Variants in VIT observed in about 807,000 individuals in gnomAD.
VIT encodes the protein vitrin.
In VIT, 99 loss-of-function variants were observed where a neutral mutation model predicts 78.0. The observed-to-expected ratio is 1.27, with a 90% confidence interval of 1.08 to 1.50. The LOEUF is 1.50. Among genes scored for constraint, VIT ranks in the 40% most tolerant of loss-of-function variants. The pLI is 0.00. For synonymous variants in VIT, 374 were observed against 334.3 expected (o/e 1.12, Z -1.29); for missense variants, 1,126 against 875.3 (o/e 1.29, Z -3.61).
chr2:36,749,779 T>C (rs1166042766), intron 4 of VIT, among the ~76,000 whole-genome samples: 1 of 152,224 alleles, frequency 6.6e-6, no homozygotes, highest in Non-Finnish European at 1.5e-5. Flanking sequence ...TTATTCAGAT[T>C]TCTGGTATCT....
At chr2:36,780,135 T>C (rs952136728) in intron 9 of VIT, among the ~76,000 whole-genome samples, 2 of 152,244 alleles carry the variant, frequency 1.3e-5, no homozygotes, top group African/African-American at 4.8e-5. Flanking sequence ...CCTTTGGCTT[T>C]TGGATGAATG....
chr2:36,754,905 T>A lies in VIT; in HGVS notation c.276-16T>A. On this transcript the variant is annotated splice_polypyrimidine_tract_variant and intron_variant, in intron 4 of 15. Transcript: ENST00000379242. ...ATTTCTGTTCTTTCCTGAAAAATTA[T>A]TTTTTCTCTTCATAGTGGTGTGCTT... is the stretch of plus-strand genomic sequence containing the variant. 1 of 1,600,874 alleles carries A rather than the reference T, an allele frequency of 6.2e-7. No individual in the cohort carries two copies. The highest frequency in any genetic ancestry group is 1.1e-5 in the South Asian group (1 of 88,204).
rs149665991 is a variant in VIT at position 36,743,269 on chromosome 2, G to T, written c.275+13G>T. The T allele has an allele frequency of 6.3e-7, 1 of 1,589,600 alleles. No homozygotes were observed. The highest frequency in any genetic ancestry group is 8.6e-7 in the Non-Finnish European group (1 of 1,162,448). On this transcript the variant is annotated intron_variant, in intron 4 of 15. Transcript: ENST00000379242. Reference sequence around the variant, plus strand: ...CTGCCGTACACAGGTGAGTGGTTCTGAGCTACTTAATAACTAACTAGAAAT... The same window carrying T: ...CTGCCGTACACAGGTGAGTGGTTCTTAGCTACTTAATAACTAACTAGAAAT...
chr2:36,704,046 C>G (rs1329567577), intron 1 of VIT, among the ~76,000 whole-genome samples: 3 of 151,780 alleles, frequency 2.0e-5, no homozygotes, highest in Non-Finnish European at 2.9e-5. Context: ...CTGCCTCAGC[C>G]TCAGGAGTAG....
intron 12 of VIT, 61 bp from the exon 13 acceptor site, chr2:36,801,240 T>C: frequency 7.0e-7 from 1 of 1,421,440 alleles, no homozygotes; most frequent in Non-Finnish European, 9.9e-7. Context: ...CCATGATCTC[T>C]GCCTTCCTCC....
chr2:36,751,596 G>A (rs1043710707), intron 4 of VIT, among the ~76,000 whole-genome samples: 3 of 152,112 alleles, frequency 2.0e-5, no homozygotes, highest in African/African-American at 7.2e-5. Flanking sequence ...GTAGAAGGAG[G>A]CGCCCTGTGG....
chr2:36,776,262 A>T (rs1021661999), intron 9 of VIT, among the ~76,000 whole-genome samples: 3 of 152,156 alleles, frequency 2.0e-5, no homozygotes, highest in African/African-American at 7.2e-5. Flanking sequence ...AGATTCTGTG[A>T]CATCTTCCCT....
rs528013304 is a variant in VIT, at chr2:36,760,018, C to T, written c.487+972C>T. ...CTTTTTTTTTTTTCTTTTTTTGAGACGGAGTTTCACTCTGTTGCCAGGCTG... is the reference window on the plus strand; with the variant it reads ...CTTTTTTTTTTTTCTTTTTTTGAGATGGAGTTTCACTCTGTTGCCAGGCTG... On this transcript the variant is annotated intron_variant, in intron 6 of 15. Coordinates refer to ENST00000379242, the MANE Select transcript of VIT (RefSeq NM_053276.4). Among the ~76,000 whole-genome samples, 370 of 144,996 alleles carry T rather than the reference C, an allele frequency of 2.6e-3. 5 individuals are homozygous for T. Among genetic ancestry groups the T allele is most frequent in the African/African-American group, 9.2e-3 (363 of 39,366 alleles).
In VIT at chr2:36,808,903, C is replaced by T. The variant is rs1161877010; in HGVS notation, c.1821C>T (p.Asn607=). Reference sequence around the variant, plus strand: ...AGCTCTTCAAGAAGTCCAAGCCCAACAAGAGGAAGTTAATGATCCTCATCA... The same window carrying T: ...AGCTCTTCAAGAAGTCCAAGCCCAATAAGAGGAAGTTAATGATCCTCATCA... The part of the protein sequence containing the change: ...LEQLFKKSKP[N]KRKLMILITD... The change falls in exon 15 of 16, where the codon AAC becomes AAT. Residue 607 remains asparagine, a synonymous_variant. Coordinates refer to ENST00000379242, the MANE Select transcript of VIT (RefSeq NM_053276.4). 4.3e-6 allele frequency: 7 copies of T among 1,613,950 alleles called. No individual in the cohort carries two copies. Among genetic ancestry groups the T allele is most frequent in the South Asian group, 1.1e-5 (1 of 91,078 alleles).
chr2:36,773,422 G>A (rs887200590), intron 7 of VIT, among the ~76,000 whole-genome samples: 1 of 151,620 alleles, frequency 6.6e-6, no homozygotes, highest in African/African-American at 2.4e-5. Flanking sequence ...TTGCTAGGTT[G>A]GATCATAGAA....
chr2:36,742,710 T>C (rs560059303), intron 3 of VIT, among the ~76,000 whole-genome samples: 3 of 152,200 alleles, frequency 2.0e-5, no homozygotes, highest in African/African-American at 7.2e-5. Flanking sequence ...CTGGAATACT[T>C]TTCCTTCCTT....
chr2:36,755,767 G>A (rs181372927), intron 5 of VIT, among the ~76,000 whole-genome samples: 1 of 152,236 alleles, frequency 6.6e-6, no homozygotes, highest in Admixed American at 6.5e-5. Context: ...ATATAAAGAA[G>A]AGTTGCTTTC....
chr2:36,754,309 T>TGCACTTTGTA, intron 4 of VIT, among the ~76,000 whole-genome samples: 1 of 151,936 alleles, frequency 6.6e-6, no homozygotes, highest in Non-Finnish European at 1.5e-5. Flanking sequence ...AATGACAACG[T>TGCACTTTGTA]AAAAGTGCAA....
At chr2:36,798,681 C>T (rs894185600) in intron 12 of VIT, among the ~76,000 whole-genome samples, 2 of 152,166 alleles carry the variant, frequency 1.3e-5, no homozygotes, top group Non-Finnish European at 2.9e-5. Context: ...ATTGCCTAAA[C>T]CCTGGAGGCA....
At chr2:36,719,583 A>C (rs1573143112) in intron 2 of VIT, among the ~76,000 whole-genome samples, 2 of 152,354 alleles carry the variant, frequency 1.3e-5, no homozygotes, top group East Asian at 3.9e-4. Context: ...TAGTATCAAA[A>C]AAAAACTACT....
intron 2 of VIT, among the ~76,000 whole-genome samples, chr2:36,720,599 A>T (rs940855804): frequency 8.5e-5 from 13 of 152,238 alleles, no homozygotes; most frequent in Non-Finnish European, 2.9e-5. Flanking sequence ...ATACTGTATG[A>T]TTTCATTTAC....
chr2:36,716,004 T>A (rs776977073), intron 1 of VIT, among the ~76,000 whole-genome samples: 4 of 152,236 alleles, frequency 2.6e-5, no homozygotes, highest in Non-Finnish European at 4.4e-5. Context: ...GTAATCTAAA[T>A]ATGTTTTCTG....
In VIT at chr2:36,750,619, G is replaced by A. The variant is rs143038593; in HGVS notation, c.276-4302G>A. On this transcript the variant is annotated intron_variant, in intron 4 of 15. Transcript: ENST00000379242. ...GGGCGTATCACGAGGTCAGGAATTC[G>A]AGACCAGCCTGGCCAACATGGTGAA... Among the ~76,000 whole-genome samples, 583 of 151,804 alleles carry A rather than the reference G, an allele frequency of 3.8e-3. 1 individual carries two copies. Among genetic ancestry groups the A allele is most frequent in the Non-Finnish European group, 5.9e-3 (398 of 67,920 alleles).
At chr2:36,774,943 G>A in intron 8 of VIT, 59 bp from the exon 9 acceptor site, 1 of 1,596,194 alleles carries the variant, frequency 6.3e-7, no homozygotes, top group Admixed American at 1.7e-5. Flanking sequence ...GGCAAAATAA[G>A]GAAAGAAAGC....
Sources: allele counts gnomAD v4.1 joint callset (sites outside exome capture counted in the v4.1 genomes callset), GRCh38; gene constraint gnomAD v4.1.1; transcripts MANE v1.5; gene names NCBI Gene and HGNC (gene_info 2026-07-23, HGNC 2026-07-21).